PAK2: variants seen among roughly 807,000 people sequenced by gnomAD.
PAK2 encodes p21 (RAC1) activated kinase 2.
PAK2 carries 21 observed loss-of-function variants against 65.9 expected under a neutral mutation model. The ratio of observed to expected loss-of-function variants is 0.32; its 90% CI spans 0.23 to 0.46. PAK2 has a LOEUF of 0.46. PAK2 is among the 20% of genes least tolerant of loss of function. The pLI is 1.00. For missense variants in PAK2, 324 were observed against 642.6 expected (o/e 0.50, Z 5.36); for synonymous variants, 204 against 219.7 (o/e 0.93, Z 0.63).
chr3:196,748,652 C>T (rs1713471101), intron 1 of PAK2, among the ~76,000 whole-genome samples: 1 of 152,150 alleles, frequency 6.6e-6, no homozygotes, highest in South Asian at 2.1e-4. Flanking sequence ...CTTTTCATGG[C>T]TTGATAGCTC....
At chr3:196,765,684 A>T (rs747786853) in intron 1 of PAK2, among the ~76,000 whole-genome samples, 4 of 152,334 alleles carry the variant, frequency 2.6e-5, no homozygotes, top group Middle Eastern at 3.4e-3. Context: ...GTGAGAATAG[A>T]TAATACAGGT....
chr3:196,792,669 A>G (rs944160894), intron 2 of PAK2, among the ~76,000 whole-genome samples: 2 of 152,210 alleles, frequency 1.3e-5, no homozygotes, highest in Non-Finnish European at 2.9e-5. Context: ...TCTTATATGT[A>G]TAGACTTATC....
intron 4 of PAK2, among the ~76,000 whole-genome samples, 166 bp from the exon 5 acceptor site, chr3:196,805,186 T>C (rs80123567): frequency 0.015 from 2,243 of 152,170 alleles, 95 homozygotes; most frequent in Admixed American, 0.093. Flanking sequence ...ACCTTGGTCT[T>C]ATATAAATTC....
In PAK2 at chr3:196,782,654, A is replaced by C. The variant is rs774861902; in HGVS notation, c.8A>C (p.Asp3Ala). The C allele has an allele frequency of 6.3e-7, 1 of 1,585,902 alleles. No homozygotes were observed. The highest frequency in any genetic ancestry group is 8.6e-7 in the Non-Finnish European group (1 of 1,164,292). The change falls in exon 2 of 15, where the codon GAT (aspartate) becomes GCT (alanine). Residue 3 changes from aspartate to alanine, a missense_variant. Physicochemically the swap from Asp to Ala is moderately radical, Grantham distance 126. Around this residue, in one of 5 missense-constraint regions of PAK2, gnomAD observed 42 missense variants for 67.4 expected, o/e 0.62. Coordinates refer to ENST00000327134, the MANE Select transcript of PAK2 (RefSeq NM_002577.4). MS[D>A]NGELEDKPPA... ...ATTTCATAATTCTGAATCATGTCTGATAACGGAGAACTGGAAGATAAGCCT... is the reference window on the plus strand; with the variant it reads ...ATTTCATAATTCTGAATCATGTCTGCTAACGGAGAACTGGAAGATAAGCCT...
At chr3:196,811,545 C>A (rs1017574001) in intron 8 of PAK2, among the ~76,000 whole-genome samples, 1 of 150,518 alleles carries the variant, frequency 6.6e-6, no homozygotes, top group African/African-American at 2.4e-5. Flanking sequence ...CTGCACCAGG[C>A]CTGAATTTCT....
intron 11 of PAK2, among the ~76,000 whole-genome samples, chr3:196,815,657 C>T (rs747478987): frequency 6.6e-5 from 10 of 151,708 alleles, no homozygotes; most frequent in East Asian, 1.9e-4. Context: ...TGTGGTGGTA[C>T]GCGCCTGTAG....
chr3:196,786,870 G>A (rs1714906763), intron 2 of PAK2, among the ~76,000 whole-genome samples: 1 of 151,144 alleles, frequency 6.6e-6, no homozygotes, highest in Non-Finnish European at 1.5e-5. Flanking sequence ...CTGTGACCCA[G>A]GCTGGAGTGC....
intron 1 of PAK2, among the ~76,000 whole-genome samples, chr3:196,761,711 C>T (rs1447119590): frequency 1.4e-5 from 2 of 144,116 alleles, no homozygotes; most frequent in African/African-American, 5.0e-5. Flanking sequence ...CAGAGGGGCT[C>T]CTCACTTCCC....
At chr3:196,798,183 T>C (rs1216570596) in intron 2 of PAK2, among the ~76,000 whole-genome samples, 3 of 152,068 alleles carry the variant, frequency 2.0e-5, no homozygotes, top group Non-Finnish European at 4.4e-5. Context: ...ATTTAGAATG[T>C]CAATAAAATG....
intron 11 of PAK2, 90 bp downstream of exon 11, chr3:196,814,658 T>C (rs879634876): frequency 5.6e-6 from 4 of 710,106 alleles, no homozygotes; most frequent in Non-Finnish European, 1.0e-5. Context: ...GTAATTGTTA[T>C]TGTGGGAGGT....
intron 8 of PAK2, 100 bp downstream of exon 8, chr3:196,810,753 T>C: frequency 5.8e-6 from 4 of 689,566 alleles, no homozygotes; most frequent in Non-Finnish European, 1.1e-5. Context: ...AGTACTTATA[T>C]AGTATTCTGT....
intron 13 of PAK2, among the ~76,000 whole-genome samples, chr3:196,823,660 G>A (rs1372508329): frequency 2.0e-5 from 3 of 151,846 alleles, no homozygotes; most frequent in Admixed American, 2.0e-4. Context: ...GAGGTCAGGA[G>A]TTCATGACCA....
intron 1 of PAK2, among the ~76,000 whole-genome samples, chr3:196,754,779 G>A (rs543423429): frequency 2.0e-5 from 3 of 152,280 alleles, no homozygotes; most frequent in African/African-American, 7.2e-5. Context: ...TTGCTTTCTG[G>A]AATTTGCGCC....
chr3:196,827,973 A>C (rs1269930333), intron 14 of PAK2, among the ~76,000 whole-genome samples: 1 of 32,170 alleles, frequency 3.1e-5, no homozygotes, highest in Non-Finnish European at 5.3e-5. Context: ...CATCGTATCA[A>C]TCCTCAGACC....
chr3:196,817,889 C>T (rs549964830), intron 11 of PAK2, among the ~76,000 whole-genome samples, 168 bp from the exon 12 acceptor site: 11 of 152,130 alleles, frequency 7.2e-5, no homozygotes, highest in African/African-American at 2.6e-4. Context: ...GATCTAATTA[C>T]TTTTCATAAC....
chr3:196,793,277 G>A (rs966889762), intron 2 of PAK2, among the ~76,000 whole-genome samples: 1 of 152,160 alleles, frequency 6.6e-6, no homozygotes, highest in East Asian at 1.9e-4. Flanking sequence ...AAAAGTTGAA[G>A]CACCAGAATA....
intron 2 of PAK2, among the ~76,000 whole-genome samples, chr3:196,785,459 G>A (rs1402452887): frequency 1.3e-5 from 2 of 152,060 alleles, no homozygotes; most frequent in African/African-American, 2.4e-5. Flanking sequence ...GAAGATGAGC[G>A]TTCCCATTGC....
chr3:196,741,072 C>G (rs563738508), intron 1 of PAK2, among the ~76,000 whole-genome samples: 1 of 152,230 alleles, frequency 6.6e-6, no homozygotes, highest in South Asian at 2.1e-4. Flanking sequence ...CTCACTTCTG[C>G]GTTACAGGCG....
At chr3:196,769,607 C>T (rs1047202066) in intron 1 of PAK2, among the ~76,000 whole-genome samples, 1 of 149,964 alleles carries the variant, frequency 6.7e-6, no homozygotes, top group South Asian at 2.1e-4. Flanking sequence ...GTCAGGAGAT[C>T]GAGACTGTCC....
Sources: allele counts gnomAD v4.1 joint callset (sites outside exome capture counted in the v4.1 genomes callset), GRCh38; gene constraint gnomAD v4.1.1; regional missense constraint gnomAD v4.1.1; transcripts MANE v1.5; gene names NCBI Gene and HGNC (gene_info 2026-07-23, HGNC 2026-07-21).